The following B4GALT5 variants were observed in gnomAD, a reference collection of about 807,000 sequenced individuals.
B4GALT5 encodes UDP-Gal:beta-GlcNAc beta-1,4-galactosyltransferase 5.
In B4GALT5, 11 loss-of-function variants were observed where a neutral mutation model predicts 45.0. The observed-to-expected ratio is 0.24, with a 90% CI of 0.15 to 0.40. The LOEUF (loss-of-function observed/expected upper bound fraction) is 0.40. Ranked by LOEUF, B4GALT5 falls within the 10% of genes least tolerant of loss-of-function variation. The pLI, the probability that B4GALT5 is intolerant of heterozygous loss-of-function variation, is 1.00. For synonymous variants in B4GALT5, 185 were observed against 182.9 expected (o/e 1.01, Z -0.09); for missense variants, 337 against 500.2 (o/e 0.67, Z 3.11).
chr20:49,665,842 T>C (rs954555053), intron 1 of B4GALT5, among the ~76,000 whole-genome samples: 2 of 150,914 alleles, frequency 1.3e-5, no homozygotes, highest in African/African-American at 4.9e-5. Context: ...GCAGCATAAA[T>C]GAAAACAAAG....
At chr20:49,707,912 C>G (rs533362023) in intron 1 of B4GALT5, among the ~76,000 whole-genome samples, 13 of 148,430 alleles carry the variant, frequency 8.8e-5, no homozygotes, top group Admixed American at 2.7e-4. Flanking sequence ...CCTTGCCCAG[C>G]CTTTTTTTTT....
chr20:49,702,997 C>A (rs981008981), intron 1 of B4GALT5, among the ~76,000 whole-genome samples: 13 of 151,470 alleles, frequency 8.6e-5, no homozygotes, highest in African/African-American at 2.9e-4. Context: ...CACGATGAAA[C>A]CCCGTCTCTA....
At chr20:49,667,200 T>C (rs1276186201) in intron 1 of B4GALT5, among the ~76,000 whole-genome samples, 4 of 152,134 alleles carry the variant, frequency 2.6e-5, no homozygotes, top group Non-Finnish European at 5.9e-5. Context: ...CACACTTTGT[T>C]TGATTCCTTT....
chr20:49,692,911 C>A (rs2085822011), intron 1 of B4GALT5, among the ~76,000 whole-genome samples: 2 of 152,234 alleles, frequency 1.3e-5, no homozygotes, highest in Non-Finnish European at 2.9e-5. Flanking sequence ...CAGTCAACGA[C>A]TAGCTGCATA....
chr20:49,637,660 T>C (rs1601244095), intron 7 of B4GALT5, among the ~76,000 whole-genome samples: 2 of 151,880 alleles, frequency 1.3e-5, no homozygotes, highest in Admixed American at 6.6e-5. Context: ...TAGGCTGGGC[T>C]AGGTGGCTCG....
intron 2 of B4GALT5, among the ~76,000 whole-genome samples, chr20:49,648,838 T>C (rs1015630580): frequency 6.6e-6 from 1 of 152,246 alleles, no homozygotes; most frequent in Non-Finnish European, 1.5e-5. Context: ...CCAGGAGCCC[T>C]GGCTAATGCA....
Position 49,713,645 on chromosome 20 carries a change from G to A in B4GALT5, c.46C>T (p.Leu16Phe). 6.4e-7 allele frequency: 1 copy of A among 1,573,892 alleles called. No individual in the cohort carries two copies. Among genetic ancestry groups the A allele is most frequent in the Non-Finnish European group, 8.6e-7 (1 of 1,162,884 alleles). The change falls in exon 1 of 9, where the codon CTC becomes TTC. Residue 16 changes from leucine to phenylalanine, a missense_variant. Physicochemically the swap from Leu to Phe is conservative, Grantham distance 22 (BLOSUM62 0). This residue lies in a region of B4GALT5 where 174 missense variants were observed against 207.4 expected (regional missense o/e 0.84). Coordinates refer to ENST00000371711, the MANE Select transcript of B4GALT5 (RefSeq NM_004776.4). ...GLLRLPRRSL[L>F]AALFFFSLSS... Reference sequence around the variant, plus strand: ...AGAGAAAAGAAGAAGAGCGCGGCGAGCAGCGAGCGGCGCGGCAGCCGCAGC... The same window carrying A: ...AGAGAAAAGAAGAAGAGCGCGGCGAACAGCGAGCGGCGCGGCAGCCGCAGC...
At chr20:49,640,799 C>A (rs779893598) in intron 5 of B4GALT5, 134 bp from the exon 6 acceptor site, 206 of 860,564 alleles carry the variant, frequency 2.4e-4, no homozygotes, top group Non-Finnish European at 3.1e-4. Flanking sequence ...TCCAACACCA[C>A]AAATCAACTC....
intron 1 of B4GALT5, among the ~76,000 whole-genome samples, chr20:49,700,677 C>T (rs913486966): frequency 7.9e-5 from 12 of 152,078 alleles, no homozygotes; most frequent in African/African-American, 1.7e-4. Context: ...TGTGACACCA[C>T]GATGATGATG....
At chr20:49,693,148 T>C (rs1352340990) in intron 1 of B4GALT5, among the ~76,000 whole-genome samples, 2 of 152,120 alleles carry the variant, frequency 1.3e-5, no homozygotes, top group Admixed American at 1.3e-4. Context: ...AATGACAAAA[T>C]AGCTTAACAA....
chr20:49,698,308 G>A (rs1392360761), intron 1 of B4GALT5, among the ~76,000 whole-genome samples: 1 of 151,774 alleles, frequency 6.6e-6, no homozygotes, highest in Non-Finnish European at 1.5e-5. Context: ...GGGGGACAGA[G>A]CAAAACTCCA....
At chr20:49,688,937 CA>C (rs780888236) in intron 1 of B4GALT5, among the ~76,000 whole-genome samples, 2,189 of 74,190 alleles carry the variant, frequency 0.03, 30 homozygotes, top group African/African-American at 0.07. Flanking sequence ...AACTCCATCT[CA>C]AAAAAAAAAA....
intron 1 of B4GALT5, among the ~76,000 whole-genome samples, chr20:49,663,692 TATATA>T: frequency 1.6e-5 from 1 of 64,298 alleles, no homozygotes; most frequent in Non-Finnish European, 2.7e-5. Flanking sequence ...AAAAAAAAAA[TATATA>T]CATATATATA....
chr20:49,674,010 G>A (rs1451100206), intron 1 of B4GALT5, among the ~76,000 whole-genome samples: 1 of 150,336 alleles, frequency 6.7e-6, no homozygotes, highest in Non-Finnish European at 1.5e-5. Flanking sequence ...GGCCGAGGTG[G>A]GCGGATCACG....
intron 1 of B4GALT5, among the ~76,000 whole-genome samples, chr20:49,680,481 C>G (rs1348573278): frequency 6.6e-6 from 1 of 152,154 alleles, no homozygotes; most frequent in Non-Finnish European, 1.5e-5. Context: ...TGAAAACATG[C>G]TAAGTGAACT....
At chr20:49,668,187 C>T (rs1169805123) in intron 1 of B4GALT5, among the ~76,000 whole-genome samples, 2 of 151,968 alleles carry the variant, frequency 1.3e-5, no homozygotes, top group Non-Finnish European at 2.9e-5. Flanking sequence ...CAAAGTCATT[C>T]GTAGGTTTCA....
intron 3 of B4GALT5, among the ~76,000 whole-genome samples, chr20:49,645,896 C>A (rs2085597052): frequency 6.6e-6 from 1 of 151,624 alleles, no homozygotes; most frequent in Non-Finnish European, 1.5e-5. Flanking sequence ...TGCTTTGTTG[C>A]CCAGGCTGGA....
At chr20:49,691,124 ATTAATTT>A (rs1294329504) in intron 1 of B4GALT5, among the ~76,000 whole-genome samples, 1 of 152,188 alleles carries the variant, frequency 6.6e-6, no homozygotes, top group African/African-American at 2.4e-5. Context: ...GTAATTTATT[ATTAATTT>A]TTGAGACTAG....
At position 49,653,560 on chromosome 20, in the gene B4GALT5, G is replaced by A. The variant is rs554821218; in HGVS notation, c.250+3008C>T. ...CACAGGCCCTGGAGTCAGAGAATCA[G>A]CAAACCCTAACCCTGCTGCTGCATC... On this transcript the variant is annotated intron_variant, in intron 2 of 8. Coordinates refer to ENST00000371711, the MANE Select transcript of B4GALT5 (RefSeq NM_004776.4). 2.0e-5 allele frequency among the ~76,000 whole-genome samples: 3 copies of A among 152,360 alleles called. No individual in the cohort carries two copies. In the South Asian group the frequency reaches 6.2e-4, roughly 32 times the overall value.
Sources: gnomAD v4.1 joint callset for allele counts (sites outside exome capture counted in the v4.1 genomes callset) on GRCh38, gnomAD v4.1.1 for gene constraint, gnomAD v4.1.1 regional missense constraint, MANE v1.5 for transcripts, NCBI Gene and HGNC (gene_info 2026-07-23, HGNC 2026-07-21) for gene names.